The following COL14A1 variants were observed in gnomAD, a reference collection of about 807,000 sequenced individuals.
The protein encoded by COL14A1 is collagen type XIV alpha 1 chain, also known as collagen alpha-1(XIV) chain.
COL14A1 carries 136 observed loss-of-function variants against 230.3 expected under a neutral mutation model. That is an observed-to-expected ratio of 0.59 (90% confidence interval 0.51 to 0.68). COL14A1 has a LOEUF of 0.68. COL14A1 is among the 30% of genes least tolerant of loss of function. The pLI, the probability that COL14A1 is intolerant of heterozygous loss-of-function variation, is 0.00. For synonymous variants in COL14A1, 792 were observed against 784.1 expected, an observed-to-expected ratio of 1.01 and a Z score of -0.17; for missense variants, 1,976 against 2,215.8, an observed-to-expected ratio of 0.89 and a Z score of 2.17.
chr8:120,161,690 T>A lies in COL14A1; in HGVS notation c.206-736T>A, dbSNP rs959145810. Among the ~76,000 whole-genome samples the A allele has an allele frequency of 2.0e-5, 3 of 151,898 alleles. No homozygotes were observed. The South Asian group carries it at 6.3e-4, about 32-fold the overall frequency. On this transcript the variant is annotated intron_variant, in intron 3 of 47. Transcript: ENST00000297848. ...TTCACATTTTTTTTTTGAGGCGGAG[T>A]CTCGGTCTGTCACCCAGGCTGGAGT... is the stretch of plus-strand genomic sequence containing the variant.
chr8:120,295,422 G>C (rs1356177910), intron 34 of COL14A1, among the ~76,000 whole-genome samples: 1 of 151,670 alleles, frequency 6.6e-6, no homozygotes, highest in Non-Finnish European at 1.5e-5. Flanking sequence ...ACTTTGCTAT[G>C]ATCATACCCC....
chr8:120,245,682 G>A (rs1412060061), intron 20 of COL14A1, among the ~76,000 whole-genome samples: 1 of 152,078 alleles, frequency 6.6e-6, no homozygotes, highest in East Asian at 1.9e-4. Flanking sequence ...TTGAGGGCTG[G>A]GCTGGTCTGG....
At chr8:120,163,353 T>C (rs1815754710) in intron 4 of COL14A1, among the ~76,000 whole-genome samples, 1 of 152,046 alleles carries the variant, frequency 6.6e-6, no homozygotes, top group African/African-American at 2.4e-5. Flanking sequence ...AAATTGGGCA[T>C]TTGGAGAAAG....
At position 120,206,959 on chromosome 8, in the gene COL14A1, C is replaced by T; in HGVS notation, c.1056C>T (p.Ile352=). 1 of 1,610,614 alleles carries T rather than the reference C, an allele frequency of 6.2e-7. No homozygotes were observed. Among genetic ancestry groups the T allele is most frequent in the African/African-American group, 1.3e-5 (1 of 74,794 alleles). ...DREIKASAHA[I]TGPPTELITS... is the part of the protein sequence containing the mutation. ...TTAATTTAGCCTCAGCCCATGCCAT[C>T]ACTGGGCCGCCTACGGAGTTGATTA... Residue 352 remains isoleucine, a synonymous_variant, in exon 10 of 48, where the codon ATC becomes ATT. Coordinates refer to ENST00000297848, the MANE Select transcript of COL14A1 (RefSeq NM_021110.4).
At chr8:120,257,006 G>T (rs1190167428) in intron 23 of COL14A1, among the ~76,000 whole-genome samples, 2 of 152,184 alleles carry the variant, frequency 1.3e-5, no homozygotes, top group Non-Finnish European at 2.9e-5. Context: ...AAGATTCATA[G>T]TTTTTTAAAT....
intron 36 of COL14A1, among the ~76,000 whole-genome samples, chr8:120,301,821 A>G (rs539344353): frequency 6.6e-6 from 1 of 152,128 alleles, no homozygotes; most frequent in African/African-American, 2.4e-5. Flanking sequence ...ACTCCCACCA[A>G]CAGTGTATAA....
intron 42 of COL14A1, among the ~76,000 whole-genome samples, chr8:120,332,965 TG>T (rs1290339200): frequency 6.6e-6 from 1 of 152,262 alleles, no homozygotes; most frequent in Non-Finnish European, 1.5e-5. Context: ...GTCATGCTTT[TG>T]CTTATATGTT....
intron 40 of COL14A1, among the ~76,000 whole-genome samples, chr8:120,322,154 A>G (rs1821474092): frequency 6.6e-6 from 1 of 151,838 alleles, no homozygotes. Flanking sequence ...GTTCTCACTT[A>G]TAAGTGGGAA....
intron 24 of COL14A1, among the ~76,000 whole-genome samples, chr8:120,264,133 C>T (rs1164803752): frequency 6.6e-6 from 1 of 152,148 alleles, no homozygotes; most frequent in East Asian, 1.9e-4. Flanking sequence ...TCCTTTCCCA[C>T]CCTGAGCCTC....
chr8:120,219,984 ATG>A lies in COL14A1; in HGVS notation c.1737+3512_1737+3513del, dbSNP rs142020105. The stretch of plus-strand genomic sequence containing the variant: ...AACATCGGTTTTGACTAGGGTGTGT[ATG>A]TGTGTGTGTGTGTGTGTTTTTCTTA... On this transcript the variant is annotated intron_variant, in intron 14 of 47. Transcript: ENST00000297848. 1.2e-3 allele frequency among the ~76,000 whole-genome samples: 178 copies of A among 150,500 alleles called. 1 individual carries two copies. Among genetic ancestry groups the A allele is most frequent in the African/African-American group, 2.6e-3 (108 of 41,096 alleles).
intron 5 of COL14A1, among the ~76,000 whole-genome samples, chr8:120,175,347 ATAAT>A (rs1326721243): frequency 6.6e-6 from 1 of 152,242 alleles, no homozygotes; most frequent in African/African-American, 2.4e-5. Context: ...CTGATTGGAA[ATAAT>A]TAAGAGACTG....
At chr8:120,276,750 G>A (rs925034561) in intron 26 of COL14A1, among the ~76,000 whole-genome samples, 8 of 151,468 alleles carry the variant, frequency 5.3e-5, no homozygotes, top group Non-Finnish European at 1.2e-4. Flanking sequence ...CGAGTTAATG[G>A]GTGCAGCACA....
intron 14 of COL14A1, among the ~76,000 whole-genome samples, chr8:120,218,569 C>A (rs1817836644): frequency 6.6e-6 from 1 of 152,128 alleles, no homozygotes; most frequent in African/African-American, 2.4e-5. Context: ...CTAGGCCTCC[C>A]AAAGTGCTGG....
At chr8:120,327,112 G>T (rs1821701001) in intron 40 of COL14A1, among the ~76,000 whole-genome samples, 1 of 152,160 alleles carries the variant, frequency 6.6e-6, no homozygotes, top group Admixed American at 6.6e-5. Flanking sequence ...CTCTAAAAGT[G>T]TTTAGTTGTT....
intron 20 of COL14A1, among the ~76,000 whole-genome samples, chr8:120,244,598 C>T (rs1276004441): frequency 2.0e-5 from 3 of 152,178 alleles, no homozygotes; most frequent in Non-Finnish European, 4.4e-5. Flanking sequence ...TTTGTATCTT[C>T]ATAGCTTATC....
intron 2 of COL14A1, among the ~76,000 whole-genome samples, chr8:120,149,512 A>G (rs183227330): frequency 3.8e-4 from 58 of 152,322 alleles, no homozygotes; most frequent in African/African-American, 1.3e-3. Context: ...TACAAGACAC[A>G]GATTCTTAGA....
intron 45 of COL14A1, among the ~76,000 whole-genome samples, chr8:120,361,885 C>A (rs1380584292): frequency 1.3e-5 from 2 of 152,186 alleles, no homozygotes; most frequent in Non-Finnish European, 2.9e-5. Flanking sequence ...AACAGACAAC[C>A]AAGGGCCAGC....
chr8:120,127,905 C>A (rs1196046243), intron 1 of COL14A1, among the ~76,000 whole-genome samples: 1 of 152,138 alleles, frequency 6.6e-6, no homozygotes, highest in Non-Finnish European at 1.5e-5. Flanking sequence ...TTGAGCACCA[C>A]TGAGTTAACA....
intron 5 of COL14A1, among the ~76,000 whole-genome samples, chr8:120,172,475 T>A (rs1024388712): frequency 1.9e-4 from 29 of 152,264 alleles, no homozygotes; most frequent in African/African-American, 6.7e-4. Flanking sequence ...GTTGCTTGTT[T>A]ATACTGACTT....
Sources: allele counts gnomAD v4.1 joint callset (sites outside exome capture counted in the v4.1 genomes callset), GRCh38; gene constraint gnomAD v4.1.1; transcripts MANE v1.5; gene names NCBI Gene and HGNC (gene_info 2026-07-23, HGNC 2026-07-21).